AGK: variants seen among roughly 807,000 people sequenced by gnomAD.
AGK encodes acylglycerol kinase, mitochondrial.
Under a neutral mutation model 66.4 loss-of-function variants are expected in AGK, and 52 were observed. That is an observed-to-expected ratio of 0.78 (90% CI 0.63 to 0.99). The LOEUF is 0.99. AGK is among the 50% of genes least tolerant of loss of function. AGK has a pLI of 0.00. For missense variants in AGK, 451 were observed against 506.6 expected, an observed-to-expected ratio of 0.89 and a Z score of 1.05; for synonymous variants, 182 against 181.1, an observed-to-expected ratio of 1.00 and a Z score of -0.04.
At chr7:141,629,603 G>T (rs1797012233) in intron 9 of AGK, among the ~76,000 whole-genome samples, 1 of 152,000 alleles carries the variant, frequency 6.6e-6, no homozygotes. Flanking sequence ...ACAGTCCTAT[G>T]CCCATCTGGA....
chr7:141,589,639 CA>C (rs1404379024), intron 2 of AGK, among the ~76,000 whole-genome samples: 1 of 151,824 alleles, frequency 6.6e-6, no homozygotes, highest in Non-Finnish European at 1.5e-5. Context: ...CGGCTCATTG[CA>C]ACCTCCGCCT....
At chr7:141,595,716 A>T (rs1408527674) in intron 3 of AGK, among the ~76,000 whole-genome samples, 1 of 152,132 alleles carries the variant, frequency 6.6e-6, no homozygotes, top group Non-Finnish European at 1.5e-5. Context: ...TTTTGTTGAC[A>T]TCATTTCCAA....
At chr7:141,619,158 A>G (rs1022646704) in intron 8 of AGK, among the ~76,000 whole-genome samples, 3 of 152,160 alleles carry the variant, frequency 2.0e-5, no homozygotes, top group African/African-American at 7.2e-5. Context: ...ATCCCAATCA[A>G]TGTTTCACAA....
chr7:141,574,113 G>A (rs1795678555), intron 2 of AGK, among the ~76,000 whole-genome samples: 1 of 152,164 alleles, frequency 6.6e-6, no homozygotes, highest in Non-Finnish European at 1.5e-5. Context: ...TGGAAGAACA[G>A]TATATGGCAT....
intron 10 of AGK, among the ~76,000 whole-genome samples, chr7:141,635,313 G>A (rs1159677204): frequency 6.6e-6 from 1 of 151,960 alleles, no homozygotes; most frequent in Non-Finnish European, 1.5e-5. Flanking sequence ...TCATTTCCTA[G>A]CTGGCTGTAG....
At chr7:141,572,242 A>C (rs549568874) in intron 2 of AGK, among the ~76,000 whole-genome samples, 1 of 152,366 alleles carries the variant, frequency 6.6e-6, no homozygotes, top group Non-Finnish European at 1.5e-5. Flanking sequence ...AGCAGGATAC[A>C]TTTGAAGGAA....
chr7:141,582,862 C>T (rs1795910940), intron 2 of AGK, among the ~76,000 whole-genome samples: 1 of 151,512 alleles, frequency 6.6e-6, no homozygotes, highest in South Asian at 2.1e-4. Flanking sequence ...GGACCTGGCT[C>T]AGCCTGGTGA....
intron 13 of AGK, among the ~76,000 whole-genome samples, chr7:141,648,142 A>G (rs1324116472): frequency 1.3e-5 from 2 of 151,988 alleles, no homozygotes; most frequent in Non-Finnish European, 2.9e-5. Flanking sequence ...CCCCTTTTTC[A>G]TAACACAGCC....
chr7:141,572,800 C>T (rs1795633683), intron 2 of AGK, among the ~76,000 whole-genome samples: 1 of 151,352 alleles, frequency 6.6e-6, no homozygotes, highest in Non-Finnish European at 1.5e-5. Context: ...CCCCGACAGG[C>T]TATGGGGGGG....
intron 2 of AGK, among the ~76,000 whole-genome samples, chr7:141,574,865 C>T (rs1450145397): frequency 3.3e-5 from 5 of 152,188 alleles, no homozygotes; most frequent in South Asian, 2.1e-4. Flanking sequence ...TTTCAGGGAG[C>T]GAGAAAGAAT....
Position 141,596,545 on chromosome 7 carries a change from G to C in AGK, c.142-17G>C. 1 of 1,609,986 alleles carries C rather than the reference G, an allele frequency of 6.2e-7. No homozygotes were observed. Among genetic ancestry groups the C allele is most frequent in the Non-Finnish European group, 8.5e-7 (1 of 1,176,628 alleles). On this transcript the variant is annotated splice_polypyrimidine_tract_variant and intron_variant, in intron 3 of 15. Coordinates refer to ENST00000649286, the MANE Select transcript of AGK (RefSeq NM_018238.4). Reference sequence around the variant, plus strand: ...TAAATGGACTTTTACTGAAAACTTTGCTCTTTTCTTTTTTAGGTGTTTGGC... The same window carrying C: ...TAAATGGACTTTTACTGAAAACTTTCCTCTTTTCTTTTTTAGGTGTTTGGC...
intron 7 of AGK, 52 bp from the exon 8 acceptor site, chr7:141,615,419 G>A: frequency 6.7e-7 from 1 of 1,485,706 alleles, no homozygotes; most frequent in South Asian, 1.1e-5. Flanking sequence ...TCTCCATTAA[G>A]CCTGATTTTC....
At chr7:141,606,197 G>C (rs1208330004) in intron 5 of AGK, among the ~76,000 whole-genome samples, 1 of 152,182 alleles carries the variant, frequency 6.6e-6, no homozygotes, top group Admixed American at 6.5e-5. Flanking sequence ...GGGTTCATGT[G>C]AAACAAGCCT....
Position 141,636,943 on chromosome 7 carries a change from T to A in AGK, c.669-17T>A. On this transcript the variant is annotated splice_polypyrimidine_tract_variant and intron_variant, in intron 10 of 15. Coordinates refer to ENST00000649286, the MANE Select transcript of AGK (RefSeq NM_018238.4). Reference sequence around the variant, plus strand: ...TTTTGATATTCTTATCAGATTTTTATCTTGGTCTTTTCACAGGTACTGGTA... The same window carrying A: ...TTTTGATATTCTTATCAGATTTTTAACTTGGTCTTTTCACAGGTACTGGTA... 3 of 1,607,430 alleles carry A rather than the reference T, an allele frequency of 1.9e-6. No homozygotes were observed. In the East Asian group the frequency reaches 6.7e-5, roughly 36 times the overall value.
chr7:141,616,418 A>G (rs896931877), intron 8 of AGK: 5 of 152,194 alleles, frequency 3.3e-5, no homozygotes, highest in African/African-American at 1.2e-4. Context: ...CTTCTAGAAT[A>G]AATAATAATA....
intron 13 of AGK, among the ~76,000 whole-genome samples, chr7:141,648,039 CCTG>C (rs1219270242): frequency 6.6e-6 from 1 of 152,182 alleles, no homozygotes; most frequent in African/African-American, 2.4e-5. Flanking sequence ...TACAGTGGCA[CCTG>C]CTAAAGTTTG....
intron 15 of AGK, 118 bp from the exon 16 acceptor site, chr7:141,652,669 C>T: frequency 9.4e-7 from 1 of 1,064,550 alleles, no homozygotes; most frequent in Non-Finnish European, 1.4e-6. Context: ...ATTAGGATAG[C>T]TCCTCAAGAG....
intron 1 of AGK, among the ~76,000 whole-genome samples, chr7:141,554,625 C>T (rs558718675): frequency 6.6e-6 from 1 of 152,262 alleles, no homozygotes; most frequent in East Asian, 1.9e-4. Flanking sequence ...AGAATTATGT[C>T]CTTACTCTCA....
intron 9 of AGK, among the ~76,000 whole-genome samples, chr7:141,622,141 A>G (rs1207318895): frequency 1.3e-5 from 2 of 150,272 alleles, no homozygotes; most frequent in African/African-American, 4.9e-5. Flanking sequence ...CCCAGGCTGG[A>G]GTGCAGTGGC....
Sources: gnomAD v4.1 joint callset for allele counts (sites outside exome capture counted in the v4.1 genomes callset) on GRCh38, gnomAD v4.1.1 for gene constraint, MANE v1.5 for transcripts, NCBI Gene and HGNC (gene_info 2026-07-23, HGNC 2026-07-21) for gene names.